Variants in ATAD1 observed in about 807,000 individuals in gnomAD.
ATAD1 encodes the protein ATPase family AAA domain containing 1.
A neutral mutation model predicts 42.7 loss-of-function variants in ATAD1; 18 were observed. The observed-to-expected ratio is 0.42, with a 90% confidence interval of 0.29 to 0.63. The LOEUF (loss-of-function observed/expected upper bound fraction) is 0.63. Ranked by LOEUF, ATAD1 falls within the 20% of genes least tolerant of loss-of-function variation. The pLI, the probability that ATAD1 is intolerant of heterozygous loss-of-function variation, is 0.19. For missense variants in ATAD1, 294 were observed against 440.4 expected, an observed-to-expected ratio of 0.67 and a Z score of 2.98; for synonymous variants, 132 against 143.1, an observed-to-expected ratio of 0.92 and a Z score of 0.55.
chr10:87,814,887 A>C, intron 1 of ATAD1: 1 of 202,148 alleles, frequency 4.9e-6, no homozygotes, highest in Admixed American at 5.8e-5. Flanking sequence ...AAATACAGTA[A>C]ATATCTTAAG....
rs184179934 is a variant in ATAD1 at position 87,756,793 on chromosome 10, C to T, written c.961G>A (p.Glu321Lys). Reference sequence around the variant, plus strand: ...AATCAAGTCAAAATAACATACCTTTCTTCTGATGTAGAATTAACATATTCT... The same window carrying T: ...AATCAAGTCAAAATAACATACCTTTTTTCTGATGTAGAATTAACATATTCT... ...VREYVNSTSE[E>K]SHDEDEIRPV... The change falls in exon 9 of 10, where the codon GAA becomes AAA. Residue 321 changes from glutamate to lysine, a missense_variant. Physicochemically the swap from Glu to Lys is moderately conservative, Grantham distance 56. Around this residue, in one of 3 missense-constraint regions of ATAD1, gnomAD observed 142 missense variants for 174.6 expected, o/e 0.81. Coordinates refer to ENST00000680024, the MANE Select transcript of ATAD1 (RefSeq NM_001321967.2). The T allele has an allele frequency of 6.3e-7, 1 of 1,597,706 alleles. No individual in the cohort carries two copies. The highest frequency in any genetic ancestry group is 1.3e-5 in the African/African-American group (1 of 74,226).
chr10:87,778,823 C>G (rs374690037), intron 5 of ATAD1, among the ~76,000 whole-genome samples: 1 of 151,664 alleles, frequency 6.6e-6, no homozygotes. Flanking sequence ...GGACATTCAT[C>G]GGCAAAAAAA....
At chr10:87,823,705 G>GT (rs1293386016) in intron 1 of ATAD1, among the ~76,000 whole-genome samples, 1 of 152,180 alleles carries the variant, frequency 6.6e-6, no homozygotes, top group Non-Finnish European at 1.5e-5. Context: ...AGATGCTGTG[G>GT]TTTTCAGGAT....
intron 1 of ATAD1, among the ~76,000 whole-genome samples, chr10:87,840,364 T>A (rs1207266128): frequency 6.6e-6 from 1 of 152,102 alleles, no homozygotes; most frequent in Non-Finnish European, 1.5e-5. Flanking sequence ...TGTGCCCCTG[T>A]AGTCCTAGCT....
At chr10:87,837,142 G>C (rs1040375231) in intron 1 of ATAD1, among the ~76,000 whole-genome samples, 1 of 152,020 alleles carries the variant, frequency 6.6e-6, no homozygotes, top group African/African-American at 2.4e-5. Context: ...TAGCATCCTG[G>C]CATTGTCCTC....
At chr10:87,832,718 T>C (rs918803080) in intron 1 of ATAD1, 14 of 152,204 alleles carry the variant, frequency 9.2e-5, no homozygotes, top group African/African-American at 2.9e-4. Context: ...ATCAGCTTGC[T>C]ATATTTTACA....
intron 2 of ATAD1, among the ~76,000 whole-genome samples, chr10:87,802,126 A>C (rs568877159): frequency 4.5e-4 from 69 of 152,360 alleles, no homozygotes; most frequent in African/African-American, 1.6e-3. Context: ...CAATACAGTT[A>C]TTTGCGTAAG....
In ATAD1 at chr10:87,751,583, G is replaced by A. The variant is rs2131737690; in HGVS notation, c.*3104C>T. The A allele has an allele frequency of 6.6e-6, 1 of 151,956 alleles. No individual in the cohort carries two copies. Among genetic ancestry groups the A allele is most frequent in the South Asian group, 2.1e-4 (1 of 4,812 alleles). The allele number at this position is 151,956 out of a possible 1,614,324, so 9.4% of individuals were successfully genotyped here. A position where few individuals can be genotyped will look rare whatever the true frequency, so the allele number is the denominator to read the frequency against. On this transcript the variant is annotated 3_prime_UTR_variant, in exon 10 of 10. Coordinates refer to ENST00000680024, the MANE Select transcript of ATAD1 (RefSeq NM_001321967.2). ...TGATTTTCATTAACATCATGATTTA[G>A]GCAGAATGTTTTCCTATACATGTAA...
intron 8 of ATAD1, among the ~76,000 whole-genome samples, chr10:87,760,114 A>C (rs1343591810): frequency 6.6e-6 from 1 of 152,200 alleles, no homozygotes; most frequent in Non-Finnish European, 1.5e-5. Flanking sequence ...TGTAAATAAC[A>C]TCTATGTACT....
At chr10:87,795,789 T>G (rs1336703700) in intron 2 of ATAD1, among the ~76,000 whole-genome samples, 1 of 152,198 alleles carries the variant, frequency 6.6e-6, no homozygotes, top group Non-Finnish European at 1.5e-5. Context: ...AAAATACTTA[T>G]GAGCTAACAC....
At chr10:87,800,241 T>C (rs1364908996) in intron 2 of ATAD1, among the ~76,000 whole-genome samples, 1 of 152,076 alleles carries the variant, frequency 6.6e-6, no homozygotes, top group Non-Finnish European at 1.5e-5. Context: ...TTTTCTTAAG[T>C]TATTGATTCA....
In ATAD1 at chr10:87,767,654, A is replaced by G; in HGVS notation, c.831+19T>C. The G allele has an allele frequency of 1.3e-6, 2 of 1,597,020 alleles. No homozygotes were observed. The highest frequency in any genetic ancestry group is 1.7e-6 in the Non-Finnish European group (2 of 1,171,260). ...ATCAGATTTATAGGACGGGGAAAAAATTTTTATTTTCTACTTACATTTTCA... is the reference window on the plus strand; with the variant it reads ...ATCAGATTTATAGGACGGGGAAAAAGTTTTTATTTTCTACTTACATTTTCA... On this transcript the variant is annotated intron_variant, in intron 8 of 9. Coordinates refer to ENST00000680024, the MANE Select transcript of ATAD1 (RefSeq NM_001321967.2).
intron 2 of ATAD1, among the ~76,000 whole-genome samples, chr10:87,806,432 G>A (rs972213016): frequency 1.3e-4 from 19 of 151,700 alleles, no homozygotes; most frequent in South Asian, 8.3e-4. Flanking sequence ...CAAGTCCTTC[G>A]GTGAGGCCCT....
At position 87,775,159 on chromosome 10, in the gene ATAD1, G is replaced by A. The variant is rs145669390; in HGVS notation, c.690+1162C>T. ...AAGTTGGCTGGGCGCAGTGGTTCAT[G>A]CCTATAATCCCAGCACTTCAGGAGG... On this transcript the variant is annotated intron_variant, in intron 6 of 9. Coordinates refer to ENST00000680024, the MANE Select transcript of ATAD1 (RefSeq NM_001321967.2). Among the ~76,000 whole-genome samples, 28 of 152,082 alleles carry A rather than the reference G, an allele frequency of 1.8e-4. 1 individual carries two copies. In the East Asian group the frequency reaches 4.5e-3, roughly 24 times the overall value.
chr10:87,827,061 T>C (rs905231754), intron 1 of ATAD1, among the ~76,000 whole-genome samples: 6 of 152,144 alleles, frequency 3.9e-5, no homozygotes, highest in African/African-American at 1.4e-4. Flanking sequence ...AAGCATAGAG[T>C]GCCAGGTAGG....
intron 5 of ATAD1, among the ~76,000 whole-genome samples, chr10:87,780,148 A>C (rs1431286757): frequency 2.0e-5 from 3 of 152,218 alleles, no homozygotes; most frequent in Non-Finnish European, 4.4e-5. Context: ...TAAGCTATCA[A>C]ATCATGAAAA....
At chr10:87,797,913 G>GA (rs1447553909) in intron 2 of ATAD1, among the ~76,000 whole-genome samples, 1 of 152,154 alleles carries the variant, frequency 6.6e-6, no homozygotes, top group African/African-American at 2.4e-5. Context: ...GTAAATGACA[G>GA]ATTGAGTTTT....
chr10:87,774,092 C>T (rs1415906813), intron 6 of ATAD1, among the ~76,000 whole-genome samples: 1 of 152,140 alleles, frequency 6.6e-6, no homozygotes. Flanking sequence ...AGAAGGAGGA[C>T]ATGTGGCTTA....
At chr10:87,759,277 A>G (rs1854372407) in intron 8 of ATAD1, among the ~76,000 whole-genome samples, 1 of 152,158 alleles carries the variant, frequency 6.6e-6, no homozygotes, top group Admixed American at 6.5e-5. Context: ...GATAAACTCT[A>G]TCAACTCCTG....
Sources: allele counts gnomAD v4.1 joint callset (sites outside exome capture counted in the v4.1 genomes callset), GRCh38; gene constraint gnomAD v4.1.1; regional missense constraint gnomAD v4.1.1; transcripts MANE v1.5; gene names NCBI Gene and HGNC (gene_info 2026-07-23, HGNC 2026-07-21).